Variants in USP32 observed in about 807,000 individuals in gnomAD.
USP32 encodes ubiquitin carboxyl-terminal hydrolase 32.
In USP32, 59 loss-of-function variants were observed where a neutral mutation model predicts 204.8. The observed-to-expected ratio is 0.29, with a 90% confidence interval of 0.23 to 0.36. The LOEUF is 0.36. Among genes scored for constraint, USP32 ranks in the 10% least tolerant of loss-of-function variants. USP32 has a pLI of 1.00. For synonymous variants in USP32, 517 were observed against 678.4 expected, an observed-to-expected ratio of 0.76 and a Z score of 3.70; for missense variants, 1,160 against 1,946.4, an observed-to-expected ratio of 0.60 and a Z score of 7.60.
chr17:60,236,270 A>T, intron 11 of USP32, 30 bp from the exon 12 acceptor site: 1 of 1,575,770 alleles, frequency 6.3e-7, no homozygotes, highest in Non-Finnish European at 8.7e-7. Context: ...TAAATACATC[A>T]AACAAAGTGT....
intron 4 of USP32, among the ~76,000 whole-genome samples, chr17:60,291,930 A>G (rs1188480732): frequency 6.6e-6 from 1 of 151,384 alleles, no homozygotes; most frequent in Non-Finnish European, 1.5e-5. Flanking sequence ...AAATTTAAGC[A>G]TTCCACTCTT....
intron 9 of USP32, among the ~76,000 whole-genome samples, chr17:60,261,859 C>T (rs931575520): frequency 2.6e-5 from 4 of 152,060 alleles, no homozygotes; most frequent in African/African-American, 4.8e-5. Context: ...TTTTCAGGTA[C>T]ACTGACCTCA....
At chr17:60,352,615 A>G (rs1381737627) in intron 1 of USP32, among the ~76,000 whole-genome samples, 1 of 152,252 alleles carries the variant, frequency 6.6e-6, no homozygotes, top group Non-Finnish European at 1.5e-5. Context: ...CTTTAAACAA[A>G]GAAGTAACAA....
chr17:60,381,329 C>T (rs1011811712), intron 1 of USP32, among the ~76,000 whole-genome samples: 11 of 151,450 alleles, frequency 7.3e-5, no homozygotes, highest in African/African-American at 2.4e-4. Context: ...GAGTCCCAGA[C>T]ACTTGGGAGG....
intron 1 of USP32, among the ~76,000 whole-genome samples, chr17:60,362,241 T>A (rs1477565356): frequency 6.6e-6 from 1 of 152,120 alleles, no homozygotes; most frequent in East Asian, 1.9e-4. Context: ...TAACAGAAAG[T>A]TCGTATTAAC....
At chr17:60,325,673 C>A (rs1329324435) in intron 2 of USP32, among the ~76,000 whole-genome samples, 1 of 151,946 alleles carries the variant, frequency 6.6e-6, no homozygotes, top group African/African-American at 2.4e-5. Flanking sequence ...ACACCTATAA[C>A]CCCAGCACTT....
Position 60,381,819 on chromosome 17 carries a change from G to T in USP32, c.58+10063C>A, listed in dbSNP as rs191001706. 6.1e-3 allele frequency among the ~76,000 whole-genome samples: 933 copies of T among 152,222 alleles called. 3 individuals are homozygous for T. Among genetic ancestry groups the T allele is most frequent in the Non-Finnish European group, 0.011 (722 of 68,018 alleles). Reference sequence around the variant, plus strand: ...AGGGATGCATCCAAGGAATTATCCTGCAAAATTAAGATACAGAACATTTCC... The same window carrying T: ...AGGGATGCATCCAAGGAATTATCCTTCAAAATTAAGATACAGAACATTTCC... On this transcript the variant is annotated intron_variant, in intron 1 of 33. Coordinates refer to ENST00000300896, the MANE Select transcript of USP32 (RefSeq NM_032582.4).
At chr17:60,368,306 C>G (rs1480366461) in intron 1 of USP32, among the ~76,000 whole-genome samples, 1 of 152,104 alleles carries the variant, frequency 6.6e-6, no homozygotes, top group African/African-American at 2.4e-5. Flanking sequence ...TTTTTTAACG[C>G]AATAGAATGA....
chr17:60,242,533 C>T (rs2085906447), intron 11 of USP32, among the ~76,000 whole-genome samples: 1 of 152,198 alleles, frequency 6.6e-6, no homozygotes, highest in South Asian at 2.1e-4. Flanking sequence ...GCCTTAGCCT[C>T]ATGAGTAGCT....
intron 29 of USP32, among the ~76,000 whole-genome samples, chr17:60,190,188 C>G (rs574854497): frequency 6.6e-6 from 1 of 152,292 alleles, no homozygotes; most frequent in East Asian, 1.9e-4. Context: ...TGTGTCTGTT[C>G]TCCTTTGATC....
At chr17:60,376,433 A>G (rs1277934617) in intron 1 of USP32, among the ~76,000 whole-genome samples, 2 of 152,004 alleles carry the variant, frequency 1.3e-5, no homozygotes, top group African/African-American at 2.4e-5. Context: ...AATAATAAAT[A>G]TTAATTTTAA....
At chr17:60,294,837 C>A (rs776638759) in intron 3 of USP32, 36 bp from the exon 4 acceptor site, 4 of 1,427,780 alleles carry the variant, frequency 2.8e-6, no homozygotes, top group Non-Finnish European at 2.9e-6. Flanking sequence ...TTAATCTTAA[C>A]AAAGACCAAA....
intron 1 of USP32, among the ~76,000 whole-genome samples, chr17:60,377,153 C>A (rs2089561446): frequency 6.6e-6 from 1 of 152,054 alleles, no homozygotes; most frequent in African/African-American, 2.4e-5. Context: ...AACCTGCCTC[C>A]AGAAATAAAG....
At chr17:60,358,941 A>C (rs1213611837) in intron 1 of USP32, among the ~76,000 whole-genome samples, 1 of 152,230 alleles carries the variant, frequency 6.6e-6, no homozygotes, top group African/African-American at 2.4e-5. Context: ...TAAATTGATA[A>C]AAATTTAAAA....
At chr17:60,205,378 G>A in intron 26 of USP32, 69 bp downstream of exon 26, 1 of 1,572,692 alleles carries the variant, frequency 6.4e-7, no homozygotes, top group African/African-American at 1.4e-5. Context: ...ATGTTGCAAA[G>A]ACAGAAAATG....
At chr17:60,378,791 G>C (rs1363873261) in intron 1 of USP32, among the ~76,000 whole-genome samples, 1 of 152,088 alleles carries the variant, frequency 6.6e-6, no homozygotes, top group African/African-American at 2.4e-5. Context: ...AAAAGGGATA[G>C]AGAATTTCTG....
In USP32 at chr17:60,289,838, T is replaced by C. The variant is rs770812905; in HGVS notation, c.412-1156A>G. Among the ~76,000 whole-genome samples, 8 of 152,166 alleles carry C rather than the reference T, an allele frequency of 5.3e-5. No homozygotes were observed. In the South Asian group the frequency reaches 1.0e-3, roughly 20 times the overall value. On this transcript the variant is annotated intron_variant, in intron 4 of 33. Coordinates refer to ENST00000300896, the MANE Select transcript of USP32 (RefSeq NM_032582.4). The stretch of plus-strand genomic sequence containing the variant: ...AAGATTGGAGCAGCTCTAATCCTAA[T>C]AGACATGCTAAAGAATACGAATAAT...
intron 9 of USP32, chr17:60,258,214 T>C (rs569356105): frequency 1.8e-4 from 29 of 161,160 alleles, no homozygotes; most frequent in Non-Finnish European, 3.4e-4. Context: ...CATGAAATGA[T>C]GCAAATGATA....
chr17:60,271,343 T>TCCCTA lies in USP32; in HGVS notation c.703+2_703+6dup. On this transcript the variant is annotated splice_region_variant and intron_variant, in intron 6 of 33. Transcript: ENST00000300896. ...TGAACATATGTAGAAAATGGAATGATCCCTACCTTCACTTAGAGATGGACG... is the reference window on the plus strand; with the variant it reads ...TGAACATATGTAGAAAATGGAATGATCCCTACCCTACCTTCACTTAGAGATGGACG... 6.2e-7 allele frequency: 1 copy of TCCCTA among 1,613,752 alleles called. No individual in the cohort carries two copies. The highest frequency in any genetic ancestry group is 8.5e-7 in the Non-Finnish European group (1 of 1,179,824).
Sources: gnomAD v4.1 joint callset for allele counts (sites outside exome capture counted in the v4.1 genomes callset) on GRCh38, gnomAD v4.1.1 for gene constraint, MANE v1.5 for transcripts, NCBI Gene and HGNC (gene_info 2026-07-23, HGNC 2026-07-21) for gene names.